Variants in FERMT2 observed in about 807,000 individuals in gnomAD.
FERMT2 encodes FERM domain containing kindlin 2.
A neutral mutation model predicts 82.7 loss-of-function variants in FERMT2; 15 were observed. The observed-to-expected ratio is 0.18, with a 90% CI of 0.12 to 0.28. The LOEUF (loss-of-function observed/expected upper bound fraction) is 0.28. FERMT2 is among the 10% of genes least tolerant of loss of function. The pLI is 1.00. For synonymous variants in FERMT2, 274 were observed against 271.5 expected (o/e 1.01, Z -0.09); for missense variants, 645 against 809.4 (o/e 0.80, Z 2.46).
intron 3 of FERMT2, among the ~76,000 whole-genome samples, chr14:52,899,348 T>C (rs1261632044): frequency 1.3e-5 from 2 of 152,156 alleles, no homozygotes; most frequent in Non-Finnish European, 1.5e-5. Flanking sequence ...AGTGCCACAA[T>C]CTCAGCTCAC....
In FERMT2 at chr14:52,950,743, C is replaced by G. The variant is rs574943125; in HGVS notation, c.-9-166G>C. 4.3e-5 allele frequency: 25 copies of G among 578,504 alleles called. No individual in the cohort carries two copies. The South Asian group carries it at 5.5e-4, about 13-fold the overall frequency. The allele number at this position is 578,504 out of a possible 1,614,324, so 35.8% of individuals were successfully genotyped here. A position where few individuals can be genotyped will look rare whatever the true frequency, so the allele number is the denominator to read the frequency against. On this transcript the variant is annotated intron_variant, in intron 1 of 14. Transcript: ENST00000341590. Reference sequence around the variant, plus strand: ...CGGCCGGGGCTGCGGGAGGACCCTACGCCCCGCTCGCCCCGCAGCGTTCCT... The same window carrying G: ...CGGCCGGGGCTGCGGGAGGACCCTAGGCCCCGCTCGCCCCGCAGCGTTCCT...
chr14:52,873,034 G>C, intron 9 of FERMT2, 111 bp from the exon 10 acceptor site: 3 of 1,010,814 alleles, frequency 3.0e-6, no homozygotes, highest in Non-Finnish European at 4.4e-6. Flanking sequence ...TTTTACACGT[G>C]CTGAAATTGA....
intron 2 of FERMT2, among the ~76,000 whole-genome samples, chr14:52,921,991 A>C (rs1165567009): frequency 6.6e-6 from 1 of 152,156 alleles, no homozygotes; most frequent in Non-Finnish European, 1.5e-5. Flanking sequence ...AAAGAGCTGT[A>C]AGAGCACTAT....
intron 4 of FERMT2, among the ~76,000 whole-genome samples, chr14:52,885,203 C>T (rs979415908): frequency 2.0e-5 from 3 of 148,364 alleles, no homozygotes; most frequent in African/African-American, 2.5e-5. Context: ...GTTCCAGCTA[C>T]TCAGGAGGCT....
At chr14:52,900,801 A>G (rs1179167510) in intron 3 of FERMT2, among the ~76,000 whole-genome samples, 1 of 152,156 alleles carries the variant, frequency 6.6e-6, no homozygotes, top group African/African-American at 2.4e-5. Context: ...AACCTACTCC[A>G]CAGACACACA....
At chr14:52,938,320 A>G (rs1330262692) in intron 2 of FERMT2, among the ~76,000 whole-genome samples, 1 of 152,250 alleles carries the variant, frequency 6.6e-6, no homozygotes, top group African/African-American at 2.4e-5. Flanking sequence ...TTATATTTTA[A>G]GTTTACATGG....
chr14:52,932,850 T>C (rs1249574486), intron 2 of FERMT2, among the ~76,000 whole-genome samples: 1 of 152,206 alleles, frequency 6.6e-6, no homozygotes, highest in Non-Finnish European at 1.5e-5. Context: ...TTCTCAACAG[T>C]GCAATCTACA....
chr14:52,902,145 C>T (rs1008211237), intron 3 of FERMT2, among the ~76,000 whole-genome samples: 3 of 152,166 alleles, frequency 2.0e-5, no homozygotes, highest in Admixed American at 1.3e-4. Context: ...GTAATCCCAG[C>T]ACTTTGGGAG....
chr14:52,875,928 T>C (rs1009276921), intron 7 of FERMT2, among the ~76,000 whole-genome samples: 2 of 152,032 alleles, frequency 1.3e-5, no homozygotes, highest in African/African-American at 4.8e-5. Context: ...CACATATACG[T>C]GGGTGGGGTG....
chr14:52,937,716 C>T (rs1889907329), intron 2 of FERMT2, among the ~76,000 whole-genome samples: 1 of 152,188 alleles, frequency 6.6e-6, no homozygotes, highest in South Asian at 2.1e-4. Flanking sequence ...TATTCCCACA[C>T]GTCTCATGTT....
At chr14:52,913,451 T>A (rs897793527) in intron 3 of FERMT2, among the ~76,000 whole-genome samples, 1 of 152,178 alleles carries the variant, frequency 6.6e-6, no homozygotes, top group Non-Finnish European at 1.5e-5. Flanking sequence ...TATCCTGGCT[T>A]GAGTCACGAG....
chr14:52,887,344 C>T (rs1330239512), intron 4 of FERMT2, among the ~76,000 whole-genome samples: 1 of 151,976 alleles, frequency 6.6e-6, no homozygotes, highest in Non-Finnish European at 1.5e-5. Context: ...AAAACCTCAT[C>T]TCTACAAAAA....
At position 52,881,317 on chromosome 14, in the gene FERMT2, T is replaced by C. The variant is rs778034299; in HGVS notation, c.679A>G (p.Ile227Val). The C allele has an allele frequency of 3.7e-5, 59 of 1,613,980 alleles. No individual in the cohort carries two copies. Among genetic ancestry groups the C allele is most frequent in the Non-Finnish European group, 4.6e-5 (54 of 1,180,016 alleles). ...NPGILAVSQP[I>V]TSPEILAKMF... ...TTTGCCAAGATTTCTGGTGACGTGA[T>C]TGGTTGACTGACAGCAAGTATACCA... Residue 227 changes from isoleucine (I) to valine (V), a missense_variant, in exon 5 of 15, where the codon ATC (isoleucine) becomes GTC (valine). Coordinates refer to ENST00000341590, the MANE Select transcript of FERMT2 (RefSeq NM_006832.3).
At chr14:52,885,593 A>C (rs1253347940) in intron 4 of FERMT2, among the ~76,000 whole-genome samples, 1 of 152,160 alleles carries the variant, frequency 6.6e-6, no homozygotes, top group African/African-American at 2.4e-5. Context: ...TGACATGGAA[A>C]GATAACTTAA....
At chr14:52,924,122 A>C (rs1889115911) in intron 2 of FERMT2, among the ~76,000 whole-genome samples, 1 of 152,196 alleles carries the variant, frequency 6.6e-6, no homozygotes, top group Non-Finnish European at 1.5e-5. Flanking sequence ...GTGTGCAAGA[A>C]GGCACTGTTC....
intron 2 of FERMT2, among the ~76,000 whole-genome samples, chr14:52,923,693 G>A (rs1486776647): frequency 6.6e-6 from 1 of 151,608 alleles, no homozygotes; most frequent in Admixed American, 6.6e-5. Context: ...TGAGTGGTCC[G>A]TTTACCCACA....
At chr14:52,909,534 T>C (rs1455913417) in intron 3 of FERMT2, among the ~76,000 whole-genome samples, 2 of 152,190 alleles carry the variant, frequency 1.3e-5, no homozygotes, top group East Asian at 3.8e-4. Flanking sequence ...ATGCGTGTAA[T>C]CCCAGCACTT....
Position 52,858,511 on chromosome 14 carries a change from TGAA to T in FERMT2, c.1906_1908del (p.Phe636del), listed in dbSNP as rs1884700686. ...ACTTTGCAATCTACTTCAGTACAAA[TGAA>T]GGACAATCGTACTTCATCTGCAAAC... On this transcript the variant is annotated inframe_deletion, in exon 15 of 15. Coordinates refer to ENST00000341590, the MANE Select transcript of FERMT2 (RefSeq NM_006832.3). 1.2e-6 allele frequency: 2 copies of T among 1,614,042 alleles called. No homozygotes were observed. The highest frequency in any genetic ancestry group is 8.5e-7 in the Non-Finnish European group (1 of 1,180,014).
chr14:52,934,273 G>C (rs1889733050), intron 2 of FERMT2, among the ~76,000 whole-genome samples: 2 of 152,004 alleles, frequency 1.3e-5, no homozygotes, highest in Admixed American at 6.6e-5. Context: ...TCTTACTGTT[G>C]ATTATAAATG....
Sources: allele counts gnomAD v4.1 joint callset (sites outside exome capture counted in the v4.1 genomes callset), GRCh38; gene constraint gnomAD v4.1.1; transcripts MANE v1.5; gene names NCBI Gene and HGNC (gene_info 2026-07-23, HGNC 2026-07-21).